Variants in TMEM150C observed in about 807,000 individuals in gnomAD.
The protein encoded by TMEM150C is tentonin 3.
Under a neutral mutation model 29.9 loss-of-function variants are expected in TMEM150C, and 10 were observed. That is an observed-to-expected ratio of 0.33 (90% CI 0.21 to 0.57). The LOEUF (loss-of-function observed/expected upper bound fraction) is 0.57. Among genes scored for constraint, TMEM150C ranks in the 20% least tolerant of loss-of-function variants. The pLI is 0.88. For synonymous variants in TMEM150C, 101 were observed against 112.5 expected, an observed-to-expected ratio of 0.90 and a Z score of 0.64; for missense variants, 251 against 303.6, an observed-to-expected ratio of 0.83 and a Z score of 1.29.
At chr4:82,557,470 G>C (rs922378288) in intron 1 of TMEM150C, among the ~76,000 whole-genome samples, 7 of 152,038 alleles carry the variant, frequency 4.6e-5, no homozygotes, top group African/African-American at 1.7e-4. Flanking sequence ...ACCTTTCTCT[G>C]AACCTCCTCT....
chr4:82,488,726 C>T (rs1050168384), intron 7 of TMEM150C, among the ~76,000 whole-genome samples: 6 of 152,116 alleles, frequency 3.9e-5, no homozygotes, highest in Admixed American at 6.5e-5. Flanking sequence ...TGATCCTCCC[C>T]GCAAGCCTCC....
intron 5 of TMEM150C, among the ~76,000 whole-genome samples, chr4:82,497,941 G>A (rs570982581): frequency 6.6e-6 from 1 of 152,172 alleles, no homozygotes; most frequent in East Asian, 1.9e-4. Flanking sequence ...CTCAACACAG[G>A]CACTACAGGA....
intron 1 of TMEM150C, among the ~76,000 whole-genome samples, chr4:82,513,619 T>C (rs1176893414): frequency 6.6e-6 from 1 of 152,084 alleles, no homozygotes; most frequent in African/African-American, 2.4e-5. Context: ...ACATTTCTAT[T>C]GAGCCTCTAC....
At chr4:82,492,527 A>T (rs1723390361) in intron 6 of TMEM150C, among the ~76,000 whole-genome samples, 1 of 152,128 alleles carries the variant, frequency 6.6e-6, no homozygotes, top group South Asian at 2.1e-4. Flanking sequence ...GACCCATAGT[A>T]GGACAACAGT....
intron 6 of TMEM150C, among the ~76,000 whole-genome samples, chr4:82,493,793 A>G (rs1036553694): frequency 2.0e-5 from 3 of 152,208 alleles, no homozygotes; most frequent in Non-Finnish European, 2.9e-5. Flanking sequence ...TCTTAACAGG[A>G]TAAACTCTCA....
chr4:82,512,309 G>A lies in TMEM150C; in HGVS notation c.-10-7642C>T, dbSNP rs181453748. 5.4e-4 allele frequency among the ~76,000 whole-genome samples: 82 copies of A among 152,256 alleles called. 1 individual carries two copies. The East Asian group carries it at 0.013, about 25-fold the overall frequency. ...ACATACTGAGAATGGCAGATTAGAC[G>A]GTGGGAAGAACTGAATCCTTGATAA... On this transcript the variant is annotated intron_variant, in intron 1 of 7. Transcript: ENST00000449862.
intron 7 of TMEM150C, 29 bp from the exon 8 acceptor site, chr4:82,485,748 C>G (rs1185508053): frequency 1.9e-6 from 3 of 1,565,654 alleles, no homozygotes; most frequent in African/African-American, 1.4e-5. Context: ...GGAAAATACC[C>G]TCATCAGCCA....
At chr4:82,499,997 C>T (rs1723686975) in intron 5 of TMEM150C, among the ~76,000 whole-genome samples, 1 of 152,164 alleles carries the variant, frequency 6.6e-6, no homozygotes, top group Non-Finnish European at 1.5e-5. Flanking sequence ...TGACATCATT[C>T]AGCTATTAGC....
At chr4:82,533,586 C>T (rs1578146175) in intron 1 of TMEM150C, among the ~76,000 whole-genome samples, 4 of 152,232 alleles carry the variant, frequency 2.6e-5, no homozygotes, top group Admixed American at 2.6e-4. Flanking sequence ...TTATTACTGT[C>T]CTTAGATCTC....
intron 1 of TMEM150C, among the ~76,000 whole-genome samples, chr4:82,531,001 T>C (rs1194215198): frequency 1.3e-5 from 2 of 152,040 alleles, no homozygotes; most frequent in Non-Finnish European, 1.5e-5. Flanking sequence ...CATCATCCAA[T>C]CACCTCCCAC....
At chr4:82,512,721 A>G (rs1159077464) in intron 1 of TMEM150C, among the ~76,000 whole-genome samples, 2 of 152,230 alleles carry the variant, frequency 1.3e-5, no homozygotes, top group Non-Finnish European at 2.9e-5. Context: ...GGTGATGGTC[A>G]TACAACAATG....
chr4:82,492,876 A>G (rs924451144), intron 6 of TMEM150C, among the ~76,000 whole-genome samples: 4 of 136,966 alleles, frequency 2.9e-5, no homozygotes, highest in African/African-American at 1.1e-4. Context: ...ATATATATAT[A>G]TATATATATA....
rs1178634838 is a variant in TMEM150C, at chr4:82,502,718, T to C, written c.235+9A>G. ...AAAGCACATAAAGCGTTCTTTACCC[T>C]CTTCTTACCTAGGAAGGCTGCCATG... On this transcript the variant is annotated intron_variant, in intron 5 of 7. Coordinates refer to ENST00000449862, the MANE Select transcript of TMEM150C (RefSeq NM_001080506.3). The C allele has an allele frequency of 2.5e-6, 4 of 1,605,988 alleles. No individual in the cohort carries two copies. The highest frequency in any genetic ancestry group is 3.4e-6 in the Non-Finnish European group (4 of 1,175,768).
intron 2 of TMEM150C, 22 bp from the exon 3 acceptor site, chr4:82,503,134 A>G (rs778796424): frequency 1.1e-5 from 17 of 1,531,478 alleles, no homozygotes. Flanking sequence ...GAATAAGTTT[A>G]TAGAACAAAG....
chr4:82,537,465 C>G (rs1725048969), intron 1 of TMEM150C, among the ~76,000 whole-genome samples: 1 of 152,150 alleles, frequency 6.6e-6, no homozygotes, highest in Non-Finnish European at 1.5e-5. Flanking sequence ...TGGAAAACAA[C>G]TGGGTGATAG....
rs1363381323 is a variant in TMEM150C, at chr4:82,521,573, G to C, written c.-10-16906C>G. Among the ~76,000 whole-genome samples the C allele has an allele frequency of 3.9e-5, 6 of 152,182 alleles. No homozygotes were observed. In the East Asian group the frequency reaches 9.6e-4, roughly 24 times the overall value. ...ATTCTGACCATGGGGATTAGAACAGGGTCCATGGAGAAGGTAGCATTCAAG... is the reference window on the plus strand; with the variant it reads ...ATTCTGACCATGGGGATTAGAACAGCGTCCATGGAGAAGGTAGCATTCAAG... On this transcript the variant is annotated intron_variant, in intron 1 of 7. Transcript: ENST00000449862.
At chr4:82,534,206 C>T (rs956807871) in intron 1 of TMEM150C, among the ~76,000 whole-genome samples, 13 of 152,116 alleles carry the variant, frequency 8.5e-5, no homozygotes, top group Non-Finnish European at 1.8e-4. Context: ...CTGGAAGCTT[C>T]GGACAATGTG....
intron 1 of TMEM150C, among the ~76,000 whole-genome samples, chr4:82,505,191 T>A (rs949110163): frequency 1.3e-5 from 2 of 152,208 alleles, no homozygotes; most frequent in African/African-American, 4.8e-5. Flanking sequence ...GAGTTTTAGT[T>A]AAGAATTAAT....
intron 1 of TMEM150C, among the ~76,000 whole-genome samples, chr4:82,556,267 C>T (rs1217197406): frequency 6.6e-6 from 1 of 152,176 alleles, no homozygotes; most frequent in East Asian, 1.9e-4. Context: ...CGTGAGCCAA[C>T]GTGCCCAGAC....
Sources: gnomAD v4.1 joint callset for allele counts (sites outside exome capture counted in the v4.1 genomes callset) on GRCh38, gnomAD v4.1.1 for gene constraint, MANE v1.5 for transcripts, NCBI Gene and HGNC (gene_info 2026-07-23, HGNC 2026-07-21) for gene names.